The following RAPGEF4 variants were observed in gnomAD, a reference collection of about 807,000 sequenced individuals.
RAPGEF4 encodes the protein RAP guanine-nucleotide-exchange factor (GEF) 4.
In RAPGEF4, 66 loss-of-function variants were observed where a neutral mutation model predicts 147.9. The observed-to-expected ratio is 0.45, with a 90% CI of 0.37 to 0.55. The LOEUF (loss-of-function observed/expected upper bound fraction) is 0.55, where lower values mean the gene tolerates loss of function less well. Among genes scored for constraint, RAPGEF4 ranks in the 20% least tolerant of loss-of-function variants. The probability of loss-of-function intolerance (pLI) is 0.00; values close to 1 mark genes in which losing one functional copy is unlikely to be tolerated. For synonymous variants in RAPGEF4, 419 were observed against 442.7 expected (o/e 0.95, Z 0.67); for missense variants, 1,071 against 1,257.3 (o/e 0.85, Z 2.24).
At chr2:172,950,087 A>C (rs2676506) in intron 6 of RAPGEF4, among the ~76,000 whole-genome samples, 81,992 of 152,120 alleles carry the variant, frequency 0.54, 22,292 homozygotes, top group Non-Finnish European at 0.56. Context: ...AGGTTAGTAG[A>C]CATTTCTTCT....
intron 27 of RAPGEF4, 121 bp from the exon 28 acceptor site, chr2:173,036,004 C>T (rs1683950379): frequency 1.3e-6 from 1 of 742,644 alleles, no homozygotes; most frequent in African/African-American, 1.7e-5. Context: ...ACAATTCAAA[C>T]CTGTGTTGTT....
chr2:172,885,492 A>G (rs1697099788), intron 4 of RAPGEF4, among the ~76,000 whole-genome samples: 1 of 152,186 alleles, frequency 6.6e-6, no homozygotes, highest in Non-Finnish European at 1.5e-5. Flanking sequence ...AGACTGGGCA[A>G]TTTACAAAAG....
At chr2:172,986,271 C>G (rs1048444068) in intron 12 of RAPGEF4, among the ~76,000 whole-genome samples, 2 of 152,226 alleles carry the variant, frequency 1.3e-5, no homozygotes, top group Non-Finnish European at 2.9e-5. Context: ...CACGTTTAAA[C>G]CGATACTTCC....
chr2:173,046,156 T>C (rs1301349730), intron 29 of RAPGEF4, among the ~76,000 whole-genome samples: 1 of 152,246 alleles, frequency 6.6e-6, no homozygotes, highest in Non-Finnish European at 1.5e-5. Context: ...GAAGTTAAAC[T>C]GAAGTTATCT....
At chr2:173,013,835 T>C (rs1324231355) in intron 17 of RAPGEF4, among the ~76,000 whole-genome samples, 1 of 152,204 alleles carries the variant, frequency 6.6e-6, no homozygotes, top group African/African-American at 2.4e-5. Flanking sequence ...GTCATGGTTC[T>C]ACACAAGAGA....
At chr2:172,817,224 G>A (rs1688597408) in intron 4 of RAPGEF4, among the ~76,000 whole-genome samples, 1 of 151,924 alleles carries the variant, frequency 6.6e-6, no homozygotes, top group African/African-American at 2.4e-5. Context: ...CTCAGGCTAG[G>A]GGCTTCTATT....
chr2:172,785,991 C>A (rs751145303), intron 1 of RAPGEF4, among the ~76,000 whole-genome samples: 2 of 152,146 alleles, frequency 1.3e-5, no homozygotes, highest in African/African-American at 2.4e-5. Flanking sequence ...AGCCAAGCAA[C>A]GGAAGTCATC....
At chr2:172,963,710 T>C (rs1689533822) in intron 8 of RAPGEF4, among the ~76,000 whole-genome samples, 1 of 152,224 alleles carries the variant, frequency 6.6e-6, no homozygotes, top group African/African-American at 2.4e-5. Context: ...TGCAGGACAG[T>C]CTGAGTTCCT....
chr2:173,010,518 A>G (rs1694901397), intron 17 of RAPGEF4, among the ~76,000 whole-genome samples: 1 of 152,224 alleles, frequency 6.6e-6, no homozygotes, highest in Non-Finnish European at 1.5e-5. Flanking sequence ...ATTTATGAAC[A>G]TGCTGTATTT....
rs556588151 is a variant in RAPGEF4, at chr2:173,029,024, A to G, written c.2559-1140A>G. Among the ~76,000 whole-genome samples, 20 of 152,338 alleles carry G rather than the reference A, an allele frequency of 1.3e-4. No individual in the cohort carries two copies. The South Asian group carries it at 3.3e-3, about 25-fold the overall frequency. On this transcript the variant is annotated intron_variant, in intron 25 of 30. Coordinates refer to ENST00000397081, the MANE Select transcript of RAPGEF4 (RefSeq NM_007023.4). ...GTTCTTTCAAGATCACATAAAGGAC[A>G]GAGGCAAACACATAGATGCGATTGT...
At chr2:172,825,001 T>A (rs1433498072) in intron 4 of RAPGEF4, among the ~76,000 whole-genome samples, 1 of 152,214 alleles carries the variant, frequency 6.6e-6, no homozygotes, top group Non-Finnish European at 1.5e-5. Context: ...TTTCAGTAGC[T>A]TTTATTCTGC....
intron 4 of RAPGEF4, among the ~76,000 whole-genome samples, chr2:172,838,680 A>G (rs1455237194): frequency 6.6e-6 from 1 of 152,100 alleles, no homozygotes; most frequent in East Asian, 1.9e-4. Context: ...AACTTTGTAT[A>G]AATGTTTTTG....
At chr2:172,754,341 A>G (rs1695567748) in intron 1 of RAPGEF4, among the ~76,000 whole-genome samples, 1 of 152,234 alleles carries the variant, frequency 6.6e-6, no homozygotes, top group African/African-American at 2.4e-5. Flanking sequence ...GACAACTAAG[A>G]CATTTGAAAA....
At chr2:172,788,721 C>T (rs575050886) in intron 1 of RAPGEF4, among the ~76,000 whole-genome samples, 2 of 150,666 alleles carry the variant, frequency 1.3e-5, no homozygotes, top group African/African-American at 2.4e-5. Flanking sequence ...CCTGTCTCTA[C>T]AAAAAAAATA....
chr2:172,886,838 G>A (rs1697280382), intron 4 of RAPGEF4, among the ~76,000 whole-genome samples: 1 of 151,446 alleles, frequency 6.6e-6, no homozygotes. Flanking sequence ...ACTCTTGCTT[G>A]TTTGAAAAGA....
At chr2:172,763,062 A>G (rs1696498484) in intron 1 of RAPGEF4, among the ~76,000 whole-genome samples, 2 of 152,198 alleles carry the variant, frequency 1.3e-5, no homozygotes. Context: ...GGTATGATTG[A>G]GTGGATGGCA....
intron 11 of RAPGEF4, among the ~76,000 whole-genome samples, chr2:172,984,576 C>T (rs1214919871): frequency 9.9e-5 from 15 of 152,202 alleles, no homozygotes; most frequent in Non-Finnish European, 1.5e-5. Context: ...CCAGCCCAGC[C>T]TCCCACCTAC....
chr2:172,752,974 A>G (rs887245285), intron 1 of RAPGEF4, among the ~76,000 whole-genome samples: 2 of 152,208 alleles, frequency 1.3e-5, no homozygotes, highest in African/African-American at 4.8e-5. Flanking sequence ...TTCATTTTAG[A>G]ATTCAACATT....
chr2:172,829,488 C>G (rs1690049784), intron 4 of RAPGEF4, among the ~76,000 whole-genome samples: 1 of 152,136 alleles, frequency 6.6e-6, no homozygotes, highest in African/African-American at 2.4e-5. Context: ...ACATCGTGGT[C>G]ACTTGGATTT....
Sources: allele counts gnomAD v4.1 joint callset (sites outside exome capture counted in the v4.1 genomes callset), GRCh38; gene constraint gnomAD v4.1.1; transcripts MANE v1.5; gene names NCBI Gene and HGNC (gene_info 2026-07-23, HGNC 2026-07-21).